DNAJC13: variants seen among roughly 807,000 people sequenced by gnomAD.
DNAJC13 encodes the protein DnaJ heat shock protein family (Hsp40) member C13.
A neutral mutation model predicts 290.5 loss-of-function variants in DNAJC13; 75 were observed. The ratio of observed to expected loss-of-function variants is 0.26; its 90% CI spans 0.21 to 0.31. The LOEUF is 0.31. DNAJC13 is among the 10% of genes least tolerant of loss of function. The pLI, the probability that DNAJC13 is intolerant of heterozygous loss-of-function variation, is 1.00. For synonymous variants in DNAJC13, 862 were observed against 892.0 expected (o/e 0.97, Z 0.60); for missense variants, 2,260 against 2,674.5 (o/e 0.85, Z 3.42).
chr3:132,526,072 TG>T (rs760511995), intron 52 of DNAJC13, 68 bp from the exon 53 acceptor site: 3 of 1,547,490 alleles, frequency 1.9e-6, no homozygotes, highest in East Asian at 4.6e-5. Context: ...TTACTTATTT[TG>T]TTATGGTATT....
In DNAJC13 at chr3:132,461,180, G is replaced by A; in HGVS notation, c.1688G>A (p.Gly563Glu). 6.2e-7 allele frequency: 1 copy of A among 1,614,028 alleles called. No homozygotes were observed. The highest frequency in any genetic ancestry group is 8.5e-7 in the Non-Finnish European group (1 of 1,179,946). The change falls in exon 15 of 56, where the codon GGA becomes GAA. Residue 563 changes from glycine to glutamate, a missense_variant. Physicochemically the swap from Gly to Glu is moderately conservative, Grantham distance 98. Transcript: ENST00000260818. ...CTCTTGGAGATGGTAGCATCCAATG[G>A]AAGAACCCTTTTTAAACTTTTTCAG... Reference protein sequence around the residue: ...DMLLEMVASNGRTLFKLFQHP... With the variant: ...DMLLEMVASNERTLFKLFQHP...
At chr3:132,425,057 T>C (rs1939054951) in intron 1 of DNAJC13, among the ~76,000 whole-genome samples, 1 of 152,162 alleles carries the variant, frequency 6.6e-6, no homozygotes, top group African/African-American at 2.4e-5. Flanking sequence ...TTTTTACCAT[T>C]TGTTTGAAAC....
At chr3:132,533,057 C>CT (rs35854494) in intron 55 of DNAJC13, among the ~76,000 whole-genome samples, 43,311 of 102,720 alleles carry the variant, frequency 0.42, 10,217 homozygotes, top group East Asian at 0.79. Flanking sequence ...CCACACCTGG[C>CT]TTTTTTTTTT....
chr3:132,421,837 A>G (rs979225844), intron 1 of DNAJC13, among the ~76,000 whole-genome samples: 1 of 152,228 alleles, frequency 6.6e-6, no homozygotes, highest in African/African-American at 2.4e-5. Flanking sequence ...AGAAAAGAAC[A>G]GGGTTAATAA....
intron 20 of DNAJC13, among the ~76,000 whole-genome samples, chr3:132,470,970 C>A (rs1934214926): frequency 8.1e-6 from 1 of 124,038 alleles, no homozygotes; most frequent in Non-Finnish European, 1.8e-5. Context: ...GGCGGCCGGG[C>A]AGAGGCGCCC....
intron 36 of DNAJC13, among the ~76,000 whole-genome samples, chr3:132,497,377 A>T (rs2107714431): frequency 6.6e-6 from 1 of 152,292 alleles, no homozygotes; most frequent in South Asian, 2.1e-4. Flanking sequence ...AACTTGACTT[A>T]CAGCACAAAG....
At chr3:132,481,935 A>G (rs1397626017) in intron 26 of DNAJC13, among the ~76,000 whole-genome samples, 1 of 152,226 alleles carries the variant, frequency 6.6e-6, no homozygotes. Flanking sequence ...GGTATTTATT[A>G]ATGACCATGG....
At chr3:132,466,180 C>A (rs1040342658) in intron 18 of DNAJC13, 110 bp downstream of exon 18, 1 of 1,382,510 alleles carries the variant, frequency 7.2e-7, no homozygotes, top group African/African-American at 1.4e-5. Context: ...AGTTATTTAT[C>A]ATAGGAGTTA....
chr3:132,437,703 T>G (rs1939417343), intron 2 of DNAJC13, among the ~76,000 whole-genome samples: 1 of 152,188 alleles, frequency 6.6e-6, no homozygotes, highest in African/African-American at 2.4e-5. Context: ...CCATATTGTC[T>G]TGATTATTAT....
chr3:132,528,874 T>C (rs1936334705), intron 54 of DNAJC13, among the ~76,000 whole-genome samples: 1 of 152,202 alleles, frequency 6.6e-6, no homozygotes, highest in Admixed American at 6.5e-5. Flanking sequence ...ATTTTCCTCA[T>C]TGGTTTTATT....
At chr3:132,437,366 A>G (rs191973450) in intron 2 of DNAJC13, among the ~76,000 whole-genome samples, 146 of 152,232 alleles carry the variant, frequency 9.6e-4, no homozygotes, top group Non-Finnish European at 7.4e-5. Context: ...CAATTTATCA[A>G]TTGTTTCTTT....
At chr3:132,431,417 T>C (rs1055266292) in intron 1 of DNAJC13, among the ~76,000 whole-genome samples, 1 of 152,126 alleles carries the variant, frequency 6.6e-6, no homozygotes, top group Non-Finnish European at 1.5e-5. Flanking sequence ...GGTTACAATT[T>C]AAAACAAGAT....
In DNAJC13 at chr3:132,457,547, C is replaced by T. The variant is rs72992345; in HGVS notation, c.1449+179C>T. The T allele has an allele frequency of 0.035, 19,094 of 551,216 alleles. 705 individuals carry two copies. Among genetic ancestry groups the T allele is most frequent in the African/African-American group, 0.14 (7,238 of 52,694 alleles). 34.1% of individuals were successfully genotyped at this position (551,216 alleles called of 1,614,324 possible). The stretch of plus-strand genomic sequence containing the variant: ...AAATACCAGGCAATGTGCTGTGTGC[C>T]AGAAATTCAAAGATCTTAAGACAGA... On this transcript the variant is annotated intron_variant, in intron 13 of 55. Coordinates refer to ENST00000260818, the MANE Select transcript of DNAJC13 (RefSeq NM_015268.4).
At chr3:132,528,513 C>T (rs2107751096) in intron 54 of DNAJC13, among the ~76,000 whole-genome samples, 181 bp downstream of exon 54, 1 of 152,302 alleles carries the variant, frequency 6.6e-6, no homozygotes, top group South Asian at 2.1e-4. Context: ...AAAGCATAAA[C>T]CATATACTCA....
chr3:132,503,046 C>T (rs1011526011), intron 40 of DNAJC13, among the ~76,000 whole-genome samples, 168 bp from the exon 41 acceptor site: 9 of 152,226 alleles, frequency 5.9e-5, no homozygotes, highest in African/African-American at 1.7e-4. Flanking sequence ...CAAGCCCCAA[C>T]ACATAAACTT....
At chr3:132,448,300 A>T (rs1285880552) in intron 5 of DNAJC13, among the ~76,000 whole-genome samples, 1 of 152,148 alleles carries the variant, frequency 6.6e-6, no homozygotes, top group African/African-American at 2.4e-5. Flanking sequence ...TTGGTGTAGG[A>T]GTTTCTTATT....
chr3:132,430,298 A>G (rs954071592), intron 1 of DNAJC13, among the ~76,000 whole-genome samples: 48 of 152,030 alleles, frequency 3.2e-4, no homozygotes, highest in African/African-American at 1.1e-3. Flanking sequence ...GTCATTCTTT[A>G]GGTGTTTATT....
rs367944131 is a variant in DNAJC13 at position 132,523,235 on chromosome 3, T to C, written c.5886+36T>C. On this transcript the variant is annotated intron_variant, in intron 50 of 55. Transcript: ENST00000260818. ...CTTTTATTTTACATCTTATTTTCTG[T>C]TGATTTAGTTGTTTTCACTTTCTAC... 4 of 1,608,596 alleles carry C rather than the reference T, an allele frequency of 2.5e-6. No individual in the cohort carries two copies. In the Admixed American group the frequency reaches 6.7e-5, roughly 27 times the overall value.
rs1392112667 is a variant in DNAJC13, at chr3:132,478,024, C to T, written c.2593C>T (p.Pro865Ser). ...NELYHRFLLT[P>S]KVNMKCLCLQ... ...GCTTTATCATCGCTTCTTGCTCACC[C>T]CAAAAGTAAACATGAAGTGTTTATG... Residue 865 changes from proline (P) to serine (S), a missense_variant, in exon 24 of 56, where the codon CCA (proline) becomes TCA (serine). Around this residue, in one of 3 missense-constraint regions of DNAJC13, gnomAD observed 1,494 missense variants for 1,693.7 expected, o/e 0.88. Transcript: ENST00000260818. 3.1e-6 allele frequency: 5 copies of T among 1,612,726 alleles called. No homozygotes were observed. The Admixed American group carries it at 8.3e-5, about 27-fold the overall frequency.
Sources: gnomAD v4.1 joint callset for allele counts (sites outside exome capture counted in the v4.1 genomes callset) on GRCh38, gnomAD v4.1.1 for gene constraint, gnomAD v4.1.1 regional missense constraint, MANE v1.5 for transcripts, NCBI Gene and HGNC (gene_info 2026-07-23, HGNC 2026-07-21) for gene names.